The following RREB1 variants were observed in gnomAD, a reference collection of about 807,000 sequenced individuals.
RREB1 encodes the protein ras-responsive element-binding protein 1.
RREB1 carries 27 observed loss-of-function variants against 117.8 expected under a neutral mutation model. The observed-to-expected ratio is 0.23, with a 90% CI of 0.17 to 0.32. The LOEUF (loss-of-function observed/expected upper bound fraction) is 0.32. Ranked by LOEUF, RREB1 falls within the 10% of genes least tolerant of loss-of-function variation. The pLI, the probability that RREB1 is intolerant of heterozygous loss-of-function variation, is 1.00. For synonymous variants in RREB1, 1,298 were observed against 1,026.7 expected (o/e 1.26, Z -5.05); for missense variants, 2,577 against 2,378.2 (o/e 1.08, Z -1.74).
rs919248032 is a variant in RREB1, at chr6:7,246,489, A to G, written c.4039A>G (p.Arg1347Gly). Residue 1347 changes from arginine to glycine, a missense_variant, in exon 12 of 13, where the codon AGA becomes GGA. Arg to Gly is a moderately radical substitution (Grantham distance 125, BLOSUM62 -2). Coordinates refer to ENST00000379938, the MANE Select transcript of RREB1 (RefSeq NM_001003699.4). ...AGTGCTAGACCTCACCTCACGGGACAGAGAGCAGCCGTCGGAGGGCGCCAC... is the reference window on the plus strand; with the variant it reads ...AGTGCTAGACCTCACCTCACGGGACGGAGAGCAGCCGTCGGAGGGCGCCAC... ...GEVLDLTSRD[R>G]EQPSEGATEL... 3.2e-6 allele frequency: 5 copies of G among 1,543,050 alleles called. No individual in the cohort carries two copies. The highest frequency in any genetic ancestry group is 2.4e-5 in the South Asian group (2 of 83,828).
In RREB1 at chr6:7,230,870, C is replaced by G; in HGVS notation, c.2771C>G (p.Ser924Cys). Residue 924 changes from serine to cysteine, a missense_variant, in exon 10 of 13, where the codon TCC becomes TGC. By Grantham distance (112) the Ser-to-Cys change is moderately radical (BLOSUM62 -1). Coordinates refer to ENST00000379938, the MANE Select transcript of RREB1 (RefSeq NM_001003699.4). ...AACATCTCCTTTCTGAGCCCTTCTT[C>G]CCTGGTCCCCTATGACTGCTCCATG... is the stretch of plus-strand genomic sequence containing the variant. ...QENISFLSPSSLVPYDCSMEP... is the reference protein window; with the variant it reads ...QENISFLSPSCLVPYDCSMEP... 11 of 1,614,228 alleles carry G rather than the reference C, an allele frequency of 6.8e-6. No homozygotes were observed. Among genetic ancestry groups the G allele is most frequent in the Non-Finnish European group, 9.3e-6 (11 of 1,180,036 alleles).
intron 6 of RREB1, among the ~76,000 whole-genome samples, chr6:7,192,089 T>C (rs1231901958): frequency 1.3e-5 from 2 of 149,160 alleles, no homozygotes; most frequent in Admixed American, 1.3e-4. Flanking sequence ...GTTTTTATTA[T>C]GAAAAGGTAT....
At chr6:7,226,439 C>T (rs1342578340) in intron 8 of RREB1, 28 bp from the exon 9 acceptor site, 2 of 1,568,884 alleles carry the variant, frequency 1.3e-6, no homozygotes, top group Admixed American at 1.8e-5. Context: ...CCCTTTCTGC[C>T]TCATATGTTC....
At chr6:7,159,341 TGAGA>T (rs1446662624) in intron 1 of RREB1, among the ~76,000 whole-genome samples, 1 of 152,218 alleles carries the variant, frequency 6.6e-6, no homozygotes, top group African/African-American at 2.4e-5. Context: ...ACAGTCACAC[TGAGA>T]AAGTTTTAAC....
chr6:7,228,819 AT>A (rs1032206032), intron 9 of RREB1, among the ~76,000 whole-genome samples, 177 bp from the exon 10 acceptor site: 29 of 151,068 alleles, frequency 1.9e-4, no homozygotes, highest in Admixed American at 1.2e-3. Flanking sequence ...ATTTTTTTTT[AT>A]TTTTTGTAGA....
At position 7,230,496 on chromosome 6, in the gene RREB1, C is replaced by G; in HGVS notation, c.2397C>G (p.Phe799Leu). 1.9e-6 allele frequency: 3 copies of G among 1,592,542 alleles called. No individual in the cohort carries two copies. Among genetic ancestry groups the G allele is most frequent in the Non-Finnish European group, 2.6e-6 (3 of 1,176,234 alleles). ...PFECKECSAA[F>L]AAKRNCIHHI... ...AGTGCAAGGAGTGCAGCGCCGCGTT[C>G]GCGGCCAAGCGCAACTGCATCCACC... Residue 799 changes from phenylalanine (F) to leucine (L), a missense_variant, in exon 10 of 13, where the codon TTC (phenylalanine) becomes TTG (leucine). Phe to Leu is a conservative substitution (Grantham distance 22). Coordinates refer to ENST00000379938, the MANE Select transcript of RREB1 (RefSeq NM_001003699.4).
At chr6:7,221,353 T>C (rs1254766455) in intron 8 of RREB1, among the ~76,000 whole-genome samples, 2 of 151,860 alleles carry the variant, frequency 1.3e-5, no homozygotes, top group Non-Finnish European at 2.9e-5. Flanking sequence ...TATTTTTTTT[T>C]AGTAGAGACG....
intron 10 of RREB1, among the ~76,000 whole-genome samples, chr6:7,236,917 C>G (rs1768371722): frequency 1.3e-5 from 1 of 76,052 alleles, no homozygotes; most frequent in Non-Finnish European, 2.3e-5. Context: ...TTTTTTGAGA[C>G]AAGCTCTCAC....
chr6:7,231,164 CCCTGGTCAGCAGCCCTCCACT>C lies in RREB1; in HGVS notation c.3067_3087del (p.Leu1023_Leu1029del), dbSNP rs1561797979. 2 of 1,611,904 alleles carry C rather than the reference CCCTGGTCAGCAGCCCTCCACT, an allele frequency of 1.2e-6. No homozygotes were observed. The highest frequency in any genetic ancestry group is 1.3e-5 in the African/African-American group (1 of 75,036). ...CTGGCGGTCCCAATCTACTCCTCAG[CCCTGGTCAGCAGCCCTCCACT>C]CGTGGGCAGCTCAGCCCTCCTGAGT... On this transcript the variant is annotated inframe_deletion, in exon 10 of 13. Coordinates refer to ENST00000379938, the MANE Select transcript of RREB1 (RefSeq NM_001003699.4).
intron 1 of RREB1, among the ~76,000 whole-genome samples, chr6:7,125,324 G>A (rs1214990631): frequency 6.6e-6 from 1 of 152,230 alleles, no homozygotes; most frequent in African/African-American, 2.4e-5. Flanking sequence ...TTGTCACCCT[G>A]TTCCCCTTGG....
chr6:7,130,153 G>C (rs1762090929), intron 1 of RREB1, among the ~76,000 whole-genome samples: 1 of 152,198 alleles, frequency 6.6e-6, no homozygotes, highest in Non-Finnish European at 1.5e-5. Context: ...GCCTTCACCT[G>C]CCCTCACTGG....
intron 6 of RREB1, among the ~76,000 whole-genome samples, chr6:7,207,509 A>G (rs899813298): frequency 6.6e-6 from 1 of 152,196 alleles, no homozygotes; most frequent in Admixed American, 6.5e-5. Flanking sequence ...ATTGTGATTG[A>G]CAACAAACTT....
chr6:7,230,459 G>C lies in RREB1; in HGVS notation c.2360G>C (p.Arg787Pro), dbSNP rs553472718. ...GRGLGGGHKGRKPFECKECSA... is the reference protein window; with the variant it reads ...GRGLGGGHKGPKPFECKECSA... Reference sequence around the variant, plus strand: ...GGCCTGGGCGGGGGCCACAAGGGCCGCAAGCCCTTCGAGTGCAAGGAGTGC... The same window carrying C: ...GGCCTGGGCGGGGGCCACAAGGGCCCCAAGCCCTTCGAGTGCAAGGAGTGC... Residue 787 changes from arginine to proline, a missense_variant, in exon 10 of 13, where the codon CGC (arginine) becomes CCC (proline). Transcript: ENST00000379938. The C allele has an allele frequency of 6.3e-7, 1 of 1,593,276 alleles. No homozygotes were observed. The highest frequency in any genetic ancestry group is 8.5e-7 in the Non-Finnish European group (1 of 1,176,564).
chr6:7,115,920 C>T (rs1020537921), intron 1 of RREB1, among the ~76,000 whole-genome samples: 2 of 152,168 alleles, frequency 1.3e-5, no homozygotes, highest in Admixed American at 1.3e-4. Flanking sequence ...CCCCAATGTT[C>T]GATCAGTCAC....
intron 8 of RREB1, chr6:7,212,361 A>G (rs1329446246): frequency 1.3e-5 from 2 of 152,244 alleles, no homozygotes; most frequent in African/African-American, 4.8e-5. Context: ...GGCAGAAAAC[A>G]CGGGTAGTGA....
intron 1 of RREB1, among the ~76,000 whole-genome samples, chr6:7,168,847 A>G (rs1462229183): frequency 6.6e-6 from 1 of 151,768 alleles, no homozygotes; most frequent in African/African-American, 2.4e-5. Flanking sequence ...TTGGAGTCAG[A>G]CAACCCCAGG....
intron 1 of RREB1, among the ~76,000 whole-genome samples, chr6:7,156,288 G>T (rs1374896048): frequency 6.6e-6 from 1 of 152,178 alleles, no homozygotes; most frequent in East Asian, 1.9e-4. Flanking sequence ...AATTTGCTTA[G>T]GTACTTCAGC....
At chr6:7,167,574 C>CCT (rs1318123420) in intron 1 of RREB1, among the ~76,000 whole-genome samples, 16 of 152,050 alleles carry the variant, frequency 1.1e-4, no homozygotes, top group Non-Finnish European at 2.4e-4. Flanking sequence ...AGGCTGGTCT[C>CCT]GAACTCCTGA....
At chr6:7,108,364 C>A (rs929827049) in intron 1 of RREB1, among the ~76,000 whole-genome samples, 2 of 151,220 alleles carry the variant, frequency 1.3e-5, no homozygotes, top group Admixed American at 6.6e-5. Context: ...TTTTCCCTTT[C>A]CCGAGCCGCC....
Sources: allele counts gnomAD v4.1 joint callset (sites outside exome capture counted in the v4.1 genomes callset), GRCh38; gene constraint gnomAD v4.1.1; transcripts MANE v1.5; gene names NCBI Gene and HGNC (gene_info 2026-07-23, HGNC 2026-07-21).